CHSY3: variants seen among roughly 807,000 people sequenced by gnomAD.
The protein encoded by CHSY3 is N-acetylgalactosaminyl-proteoglycan 3-beta-glucuronosyltransferase 3.
CHSY3 carries 35 observed loss-of-function variants against 67.2 expected under a neutral mutation model. The ratio of observed to expected loss-of-function variants is 0.52; its 90% CI spans 0.40 to 0.69. The LOEUF is 0.69. Ranked by LOEUF, CHSY3 falls within the 30% of genes least tolerant of loss-of-function variation. The probability of loss-of-function intolerance (pLI) is 0.00; values close to 1 mark genes in which losing one functional copy is unlikely to be tolerated. For synonymous variants in CHSY3, 474 were observed against 434.7 expected, an observed-to-expected ratio of 1.09 and a Z score of -1.12; for missense variants, 1,069 against 1,138.5, an observed-to-expected ratio of 0.94 and a Z score of 0.88.
intron 2 of CHSY3, among the ~76,000 whole-genome samples, chr5:129,914,676 T>G (rs1334804841): frequency 6.6e-6 from 1 of 152,222 alleles, no homozygotes; most frequent in Non-Finnish European, 1.5e-5. Flanking sequence ...CTTCTTTTCT[T>G]CCACACTGTT....
At chr5:130,176,814 G>A (rs1034382280) in intron 2 of CHSY3, among the ~76,000 whole-genome samples, 3 of 152,042 alleles carry the variant, frequency 2.0e-5, no homozygotes, top group Non-Finnish European at 4.4e-5. Context: ...ACACAGGGAG[G>A]GGAACATCAC....
chr5:130,005,370 G>A (rs1345672517), intron 2 of CHSY3, among the ~76,000 whole-genome samples: 2 of 151,864 alleles, frequency 1.3e-5, no homozygotes, highest in African/African-American at 2.4e-5. Context: ...AGCCGAGATT[G>A]CGCCACTGCA....
chr5:130,167,517 GA>G (rs1267494322), intron 2 of CHSY3, among the ~76,000 whole-genome samples: 1 of 152,082 alleles, frequency 6.6e-6, no homozygotes, highest in Admixed American at 6.6e-5. Context: ...AGGAGATCTG[GA>G]ATCTATAGTC....
At chr5:130,005,430 CAA>C (rs11325320) in intron 2 of CHSY3, among the ~76,000 whole-genome samples, 15 of 147,820 alleles carry the variant, frequency 1.0e-4, no homozygotes, top group African/African-American at 2.7e-4. Flanking sequence ...GACGAAACAA[CAA>C]AAAAAAAAAC....
intron 2 of CHSY3, among the ~76,000 whole-genome samples, chr5:129,950,806 C>G (rs894364574): frequency 5.9e-5 from 9 of 152,146 alleles, no homozygotes; most frequent in Admixed American, 5.9e-4. Context: ...ATAAATAACA[C>G]AGTCAATATG....
At chr5:130,036,546 T>TTA (rs1764867934) in intron 2 of CHSY3, among the ~76,000 whole-genome samples, 1 of 152,146 alleles carries the variant, frequency 6.6e-6, no homozygotes, top group African/African-American at 2.4e-5. Flanking sequence ...CTGCAAAGGT[T>TTA]GCTGGAAAAG....
chr5:129,904,098 G>T (rs995036779), upstream of CHSY3, among the ~76,000 whole-genome samples: 2 of 151,918 alleles, frequency 1.3e-5, no homozygotes, highest in African/African-American at 2.4e-5. Context: ...CCGGGAGGAG[G>T]CCAGTAGAGC....
At position 130,184,419 on chromosome 5, in the gene CHSY3, G is replaced by A; in HGVS notation, c.1277G>A (p.Arg426Lys). The change falls in exon 3 of 3, where the codon AGG becomes AAG. Residue 426 changes from arginine to lysine, a missense_variant. By Grantham distance (26) the Arg-to-Lys change is conservative. Around this residue, in one of 5 missense-constraint regions of CHSY3, gnomAD observed 401 missense variants for 395.2 expected, o/e 1.01. Coordinates refer to ENST00000305031, the MANE Select transcript of CHSY3 (RefSeq NM_175856.5). The stretch of plus-strand genomic sequence containing the variant: ...CGCTACCGCACCATCCAGCTCCACA[G>A]GGAAAGTGCCCTGATGAGCAAGCTC... The part of the protein sequence containing the change: ...ELRYRTIQLH[R>K]ESALMSKLSN... The A allele has an allele frequency of 6.2e-7, 1 of 1,613,742 alleles. No individual in the cohort carries two copies. Among genetic ancestry groups the A allele is most frequent in the Non-Finnish European group, 8.5e-7 (1 of 1,179,656 alleles).
At chr5:129,990,723 A>T (rs1763337734) in intron 2 of CHSY3, among the ~76,000 whole-genome samples, 1 of 152,114 alleles carries the variant, frequency 6.6e-6, no homozygotes, top group Non-Finnish European at 1.5e-5. Context: ...TTTTCACTTT[A>T]TTCATTCATT....
chr5:130,039,760 G>A (rs1450534202), intron 2 of CHSY3, among the ~76,000 whole-genome samples: 3 of 152,048 alleles, frequency 2.0e-5, no homozygotes, highest in African/African-American at 4.8e-5. Context: ...TTACAAGTGT[G>A]AGCCACTGCA....
chr5:130,070,176 A>G (rs1433259811), intron 2 of CHSY3, among the ~76,000 whole-genome samples: 3 of 152,106 alleles, frequency 2.0e-5, no homozygotes, highest in African/African-American at 7.2e-5. Flanking sequence ...TACCCTTACT[A>G]TTAACTGATA....
At position 129,936,347 on chromosome 5, in the gene CHSY3, A is replaced by G. The variant is rs554599639; in HGVS notation, c.1086+27987A>G. 1.4e-4 allele frequency among the ~76,000 whole-genome samples: 22 copies of G among 152,270 alleles called. No homozygotes were observed. In the South Asian group the frequency reaches 2.9e-3, roughly 20 times the overall value. ...TTAAAAAGGATCTTGTGCAATTCAC[A>G]GAATCCTCACATAGCCTAAGAAACA... On this transcript the variant is annotated intron_variant, in intron 2 of 2. Coordinates refer to ENST00000305031, the MANE Select transcript of CHSY3 (RefSeq NM_175856.5).
chr5:129,948,211 G>T (rs888164441), intron 2 of CHSY3, among the ~76,000 whole-genome samples: 2 of 152,208 alleles, frequency 1.3e-5, no homozygotes, highest in East Asian at 1.9e-4. Flanking sequence ...ATAGGTTTTT[G>T]GGGAACAGGT....
intron 2 of CHSY3, among the ~76,000 whole-genome samples, chr5:129,915,398 G>A (rs778717991): frequency 2.0e-5 from 3 of 152,134 alleles, no homozygotes; most frequent in Admixed American, 6.5e-5. Context: ...GGTTTGAGTC[G>A]TGATCTGTGT....
At chr5:130,161,943 G>T (rs1476566900) in intron 2 of CHSY3, among the ~76,000 whole-genome samples, 2 of 151,642 alleles carry the variant, frequency 1.3e-5, no homozygotes, top group African/African-American at 2.4e-5. Context: ...GGGAGGCTGA[G>T]GTGGGAGAAT....
chr5:129,932,181 GT>G (rs1223968710), intron 2 of CHSY3, among the ~76,000 whole-genome samples: 7 of 137,168 alleles, frequency 5.1e-5, no homozygotes, highest in African/African-American at 8.2e-5. Flanking sequence ...GTCTCTGATA[GT>G]TTTTTTTTTA....
intron 2 of CHSY3, among the ~76,000 whole-genome samples, chr5:130,059,408 G>A (rs758198261): frequency 1.4e-5 from 2 of 147,348 alleles, no homozygotes; most frequent in African/African-American, 5.1e-5. Flanking sequence ...TCTCTCTCTC[G>A]CTCTTCCTCT....
chr5:130,138,270 C>T (rs886922392), intron 2 of CHSY3, among the ~76,000 whole-genome samples: 7 of 152,178 alleles, frequency 4.6e-5, no homozygotes, highest in Non-Finnish European at 1.0e-4. Flanking sequence ...AGGACAATAT[C>T]TAGCCAACCA....
chr5:130,125,792 T>C (rs778025609), intron 2 of CHSY3, among the ~76,000 whole-genome samples: 8 of 152,184 alleles, frequency 5.3e-5, no homozygotes, highest in Non-Finnish European at 1.0e-4. Flanking sequence ...GCTGCTCTCA[T>C]AAGAATGGCT....
Sources: gnomAD v4.1 joint callset for allele counts (sites outside exome capture counted in the v4.1 genomes callset) on GRCh38, gnomAD v4.1.1 for gene constraint, gnomAD v4.1.1 regional missense constraint, MANE v1.5 for transcripts, NCBI Gene and HGNC (gene_info 2026-07-23, HGNC 2026-07-21) for gene names.